NGLY1: variants seen among roughly 807,000 people sequenced by gnomAD.
The protein encoded by NGLY1 is peptide-N(4)-(N-acetyl-beta-glucosaminyl)asparagine amidase.
NGLY1 carries 68 observed loss-of-function variants against 84.6 expected under a neutral mutation model. The ratio of observed to expected loss-of-function variants is 0.80; its 90% CI spans 0.66 to 0.98. The LOEUF is 0.98. Ranked by LOEUF, NGLY1 falls within the 50% of genes least tolerant of loss-of-function variation. The probability of loss-of-function intolerance (pLI) is 0.00; values close to 1 mark genes in which losing one functional copy is unlikely to be tolerated. For synonymous variants in NGLY1, 280 were observed against 275.2 expected, an observed-to-expected ratio of 1.02 and a Z score of -0.17; for missense variants, 779 against 770.2, an observed-to-expected ratio of 1.01 and a Z score of -0.14.
At chr3:25,725,317 G>A (rs577969719) in intron 10 of NGLY1, among the ~76,000 whole-genome samples, 4 of 152,282 alleles carry the variant, frequency 2.6e-5, no homozygotes, top group South Asian at 2.1e-4. Flanking sequence ...TGGCACACCC[G>A]GGGAGGGCAG....
intron 3 of NGLY1, among the ~76,000 whole-genome samples, chr3:25,753,436 A>C (rs1706864152): frequency 6.6e-6 from 1 of 152,272 alleles, no homozygotes; most frequent in South Asian, 2.1e-4. Context: ...TATAGCTTAC[A>C]TAAATTTTTA....
At chr3:25,733,376 C>A (rs1488525642) in intron 8 of NGLY1, among the ~76,000 whole-genome samples, 3 of 151,800 alleles carry the variant, frequency 2.0e-5, no homozygotes, top group South Asian at 4.2e-4. Flanking sequence ...AAAAATTGAA[C>A]CTTTCATCTT....
intron 4 of NGLY1, among the ~76,000 whole-genome samples, chr3:25,747,115 C>G (rs1260045446): frequency 2.6e-5 from 4 of 152,216 alleles, no homozygotes; most frequent in Non-Finnish European, 5.9e-5. Context: ...CTGCTTTACA[C>G]TCAGTTGATC....
intron 2 of NGLY1, among the ~76,000 whole-genome samples, chr3:25,768,266 T>C (rs957619297): frequency 2.8e-5 from 4 of 142,352 alleles, no homozygotes; most frequent in Admixed American, 2.8e-4. Flanking sequence ...CTACTAAAAA[T>C]ACAAAAAAAA....
At chr3:25,780,031 A>AT (rs776370297) in intron 1 of NGLY1, among the ~76,000 whole-genome samples, 76 of 152,372 alleles carry the variant, frequency 5.0e-4, no homozygotes, top group Admixed American at 8.5e-4. Context: ...CAGCAATTTG[A>AT]TATTGCCATG....
intron 9 of NGLY1, 29 bp downstream of exon 9, chr3:25,732,290 G>A (rs761443165): frequency 6.2e-7 from 1 of 1,606,148 alleles, no homozygotes; most frequent in East Asian, 2.2e-5. Flanking sequence ...GAAAGTAAAA[G>A]GATCATCATG....
rs775272602 is a variant in NGLY1, at chr3:25,737,412, A to G, written c.925T>C (p.Cys309Arg). ...GTAAAACAATTGGCCCACTCGCCACACCGTCCACATCTTGTTTCCAAAAGT... is the reference window on the plus strand; with the variant it reads ...GTAAAACAATTGGCCCACTCGCCACGCCGTCCACATCTTGTTTCCAAAAGT... ...EKLLETRCGR[C>R]GEWANCFTLC... The change falls in exon 6 of 12, where the codon TGT becomes CGT. Residue 309 changes from cysteine to arginine, a missense_variant. Cys to Arg is a radical substitution (Grantham distance 180). Coordinates refer to ENST00000280700, the MANE Select transcript of NGLY1 (RefSeq NM_018297.4). 3 of 1,613,832 alleles carry G rather than the reference A, an allele frequency of 1.9e-6. No individual in the cohort carries two copies. The highest frequency in any genetic ancestry group is 2.7e-5 in the African/African-American group (2 of 74,900).
At chr3:25,728,181 T>C (rs1705353642) in intron 10 of NGLY1, among the ~76,000 whole-genome samples, 2 of 152,050 alleles carry the variant, frequency 1.3e-5, no homozygotes, top group African/African-American at 4.8e-5. Context: ...GCAAGATAAG[T>C]TTTTGAACAA....
At chr3:25,782,409 C>G (rs1292432148) in intron 1 of NGLY1, among the ~76,000 whole-genome samples, 2 of 152,138 alleles carry the variant, frequency 1.3e-5, no homozygotes, top group Non-Finnish European at 2.9e-5. Flanking sequence ...CCTTTAACCT[C>G]AGTTCCATTT....
chr3:25,787,455 T>C (rs1347211682), upstream of NGLY1, among the ~76,000 whole-genome samples: 1 of 152,220 alleles, frequency 6.6e-6, no homozygotes, highest in Non-Finnish European at 1.5e-5. Flanking sequence ...GTGATCTTTC[T>C]AAAGCACCCA....
rs1575671307 is a variant in NGLY1, at chr3:25,783,175, A to G, written c.131+85T>C. 3.1e-6 allele frequency: 4 copies of G among 1,292,230 alleles called. No homozygotes were observed. In the East Asian group the frequency reaches 1.0e-4, roughly 33 times the overall value. 80.0% of individuals were successfully genotyped at this position (1,292,230 alleles called of 1,614,324 possible). A position where few individuals can be genotyped will look rare whatever the true frequency, so the allele number is the denominator to read the frequency against. On this transcript the variant is annotated intron_variant, in intron 1 of 11. Transcript: ENST00000280700. The surrounding 1 kb of genome is among the most constrained non-coding windows in gnomAD (Gnocchi z 4.5). ...CGGGCGTCGCTGCCCTCTGAAGCTC[A>G]GGCCGGACGCCCCAGTCCCTGGCCG...
At chr3:25,741,118 ACT>A (rs1340198680) in intron 4 of NGLY1, among the ~76,000 whole-genome samples, 4 of 149,162 alleles carry the variant, frequency 2.7e-5, no homozygotes, top group African/African-American at 7.4e-5. Flanking sequence ...ACAGAGCGAA[ACT>A]CTGTCTCATT....
chr3:25,722,069 T>C (rs1366151294), intron 10 of NGLY1, among the ~76,000 whole-genome samples: 2 of 151,778 alleles, frequency 1.3e-5, no homozygotes, highest in Admixed American at 6.6e-5. Context: ...AATACCAAAA[T>C]TAGCCGGGCA....
chr3:25,743,374 C>T (rs1024453895), intron 4 of NGLY1, among the ~76,000 whole-genome samples: 4 of 152,170 alleles, frequency 2.6e-5, no homozygotes, highest in Admixed American at 6.5e-5. Context: ...CTACAGCCAC[C>T]ATGCTCTCCC....
intron 2 of NGLY1, among the ~76,000 whole-genome samples, 196 bp from the exon 3 acceptor site, chr3:25,764,507 T>TA (rs577705232): frequency 1.1e-4 from 16 of 150,334 alleles, no homozygotes; most frequent in South Asian, 2.1e-4. Context: ...ACCAGAAAAT[T>TA]AAAAAAAAAA....
chr3:25,770,712 C>G (rs1000208192), intron 2 of NGLY1, among the ~76,000 whole-genome samples: 1 of 152,082 alleles, frequency 6.6e-6, no homozygotes, highest in Non-Finnish European at 1.5e-5. Context: ...CCCTTTTCAC[C>G]AACATCTATT....
intron 10 of NGLY1, among the ~76,000 whole-genome samples, chr3:25,728,035 A>G (rs1361404544): frequency 6.6e-6 from 1 of 152,128 alleles, no homozygotes; most frequent in Non-Finnish European, 1.5e-5. Flanking sequence ...TTTTATCTCT[A>G]TTTTTATGCA....
At chr3:25,733,506 TGTGTG>T (rs1705657420) in intron 8 of NGLY1, among the ~76,000 whole-genome samples, 1 of 150,492 alleles carries the variant, frequency 6.6e-6, no homozygotes, top group African/African-American at 2.5e-5. Flanking sequence ...TGTGTGTGTG[TGTGTG>T]TGTGTATGTA....
At position 25,720,000 on chromosome 3, in the gene NGLY1, A is replaced by C. The variant is rs774500712; in HGVS notation, c.1789+14T>G. The stretch of plus-strand genomic sequence containing the variant: ...ATATATATTTCGTGATTAATTCTCC[A>C]GGCAAATGCTTACCGCCTGTCAGTT... On this transcript the variant is annotated intron_variant, in intron 11 of 11. Coordinates refer to ENST00000280700, the MANE Select transcript of NGLY1 (RefSeq NM_018297.4). The C allele has an allele frequency of 1.1e-5, 18 of 1,597,918 alleles. No individual in the cohort carries two copies. The Middle Eastern group carries it at 5.0e-4, about 44-fold the overall frequency.
Sources: gnomAD v4.1 joint callset for allele counts (sites outside exome capture counted in the v4.1 genomes callset) on GRCh38, gnomAD v4.1.1 for gene constraint, Gnocchi (gnomAD v3.1) non-coding constraint, MANE v1.5 for transcripts, NCBI Gene and HGNC (gene_info 2026-07-23, HGNC 2026-07-21) for gene names.